Variants in SMOC2 observed in about 807,000 individuals in gnomAD.
SMOC2 encodes SPARC related modular calcium binding 2, also known as SPARC-related modular calcium-binding protein 2.
A neutral mutation model predicts 61.4 loss-of-function variants in SMOC2; 39 were observed. The observed-to-expected ratio is 0.64, with a 90% CI of 0.49 to 0.83. The LOEUF is 0.83. Ranked by LOEUF, SMOC2 falls within the 40% of genes least tolerant of loss-of-function variation. The pLI is 0.00. For missense variants in SMOC2, 556 were observed against 592.9 expected (o/e 0.94, Z 0.65); for synonymous variants, 247 against 239.9 (o/e 1.03, Z -0.27).
At chr6:168,642,679 G>C (rs1339620159) in intron 9 of SMOC2, among the ~76,000 whole-genome samples, 3 of 152,184 alleles carry the variant, frequency 2.0e-5, no homozygotes, top group African/African-American at 7.2e-5. Context: ...GCGCTGACCA[G>C]GTCTCAGTTT....
intron 11 of SMOC2, among the ~76,000 whole-genome samples, chr6:168,661,132 TA>T (rs1787498342): frequency 6.6e-6 from 1 of 151,864 alleles, no homozygotes; most frequent in African/African-American, 2.4e-5. Flanking sequence ...TTTTTTGACT[TA>T]AAAAAATTCA....
chr6:168,535,500 A>T lies in SMOC2; in HGVS notation c.463+7773A>T, dbSNP rs900527521. ...CCATTGAATCAGGGTCTCAAATCAGAAATCAGTAAATTCAGAACATTCCTT... is the reference window on the plus strand; with the variant it reads ...CCATTGAATCAGGGTCTCAAATCAGTAATCAGTAAATTCAGAACATTCCTT... On this transcript the variant is annotated intron_variant, in intron 4 of 12. Coordinates refer to ENST00000356284, the MANE Select transcript of SMOC2 (RefSeq NM_001166412.2). This position sits in a 1 kb window ranked among gnomAD's most constrained non-coding sequence, Gnocchi z 4.6. Among the ~76,000 whole-genome samples the T allele has an allele frequency of 4.6e-5, 7 of 152,190 alleles. No individual in the cohort carries two copies. Among genetic ancestry groups the T allele is most frequent in the Non-Finnish European group, 7.3e-5 (5 of 68,040 alleles).
In SMOC2 at chr6:168,564,506, G is replaced by A. The variant is rs377052160; in HGVS notation, c.637+15303G>A. 2.6e-5 allele frequency among the ~76,000 whole-genome samples: 4 copies of A among 152,108 alleles called. No homozygotes were observed. The South Asian group carries it at 8.3e-4, about 32-fold the overall frequency. Reference sequence around the variant, plus strand: ...TGTATTTTCAGAGGTAAACATTCTAGCTAAGCTAGAAAGCCTGAAAGGAAG... The same window carrying A: ...TGTATTTTCAGAGGTAAACATTCTAACTAAGCTAGAAAGCCTGAAAGGAAG... On this transcript the variant is annotated intron_variant, in intron 7 of 12. Transcript: ENST00000356284.
chr6:168,573,881 T>A (rs1784732095), intron 7 of SMOC2, among the ~76,000 whole-genome samples: 1 of 152,194 alleles, frequency 6.6e-6, no homozygotes. Context: ...AGATCTTATC[T>A]CCAGTGACTG....
intron 1 of SMOC2, among the ~76,000 whole-genome samples, chr6:168,478,731 A>G (rs1465289807): frequency 6.6e-6 from 1 of 152,322 alleles, no homozygotes; most frequent in South Asian, 2.1e-4. Flanking sequence ...GGAGTCAGGA[A>G]CATTGAATGA....
At chr6:168,664,203 C>T (rs1487312131) in intron 12 of SMOC2, 92 bp downstream of exon 12, 5 of 992,964 alleles carry the variant, frequency 5.0e-6, no homozygotes, top group Non-Finnish European at 7.7e-6. Flanking sequence ...ATGGCCAGTA[C>T]CTTCCAAGAA....
At chr6:168,648,282 G>A (rs1787097260) in intron 9 of SMOC2, among the ~76,000 whole-genome samples, 1 of 152,250 alleles carries the variant, frequency 6.6e-6, no homozygotes, top group Non-Finnish European at 1.5e-5. Context: ...AGGTGCCCGA[G>A]GTCCTGTGGG....
chr6:168,503,947 G>A (rs545680852), intron 1 of SMOC2, among the ~76,000 whole-genome samples: 7 of 152,260 alleles, frequency 4.6e-5, no homozygotes, highest in African/African-American at 1.7e-4. Context: ...GGAGGGAGGA[G>A]CCCAGCACCT....
At chr6:168,478,512 T>G (rs539744869) in intron 1 of SMOC2, among the ~76,000 whole-genome samples, 1 of 152,200 alleles carries the variant, frequency 6.6e-6, no homozygotes, top group East Asian at 1.9e-4. Context: ...CAAAATAAGA[T>G]GAACTGCCTG....
chr6:168,467,136 AACAC>A (rs10536582), intron 1 of SMOC2, among the ~76,000 whole-genome samples: 15,406 of 133,214 alleles, frequency 0.12, 1,157 homozygotes, highest in Admixed American at 0.25. Flanking sequence ...AGTGCTCTCA[AACAC>A]ACACACACAC....
chr6:168,646,204 C>T (rs968432561), intron 9 of SMOC2, among the ~76,000 whole-genome samples: 2 of 152,192 alleles, frequency 1.3e-5, no homozygotes, highest in African/African-American at 4.8e-5. Context: ...AAATCTCTGG[C>T]CCCCGTCCGT....
At chr6:168,466,810 C>T (rs989016608) in intron 1 of SMOC2, among the ~76,000 whole-genome samples, 4 of 152,198 alleles carry the variant, frequency 2.6e-5, no homozygotes, top group African/African-American at 7.2e-5. Context: ...TCATCCTGGA[C>T]GCTTGGTTTC....
chr6:168,606,614 A>G (rs1785700186), intron 8 of SMOC2, among the ~76,000 whole-genome samples: 1 of 152,234 alleles, frequency 6.6e-6, no homozygotes, highest in Non-Finnish European at 1.5e-5. Context: ...AATGAAAAAA[A>G]TAGAACCTAA....
chr6:168,519,056 CATAT>C (rs1562567078), intron 2 of SMOC2, among the ~76,000 whole-genome samples: 16 of 137,794 alleles, frequency 1.2e-4, no homozygotes, highest in Non-Finnish European at 2.3e-4. Context: ...TGTGAGCATG[CATAT>C]GTGTGTGAGT....
chr6:168,478,891 A>T (rs551710083), intron 1 of SMOC2, among the ~76,000 whole-genome samples: 4 of 151,586 alleles, frequency 2.6e-5, no homozygotes, highest in African/African-American at 9.7e-5. Context: ...ATGTTGAATG[A>T]TTCATGGTAT....
At chr6:168,525,879 T>G (rs1783441631) in intron 2 of SMOC2, among the ~76,000 whole-genome samples, 2 of 152,010 alleles carry the variant, frequency 1.3e-5, no homozygotes, top group Non-Finnish European at 2.9e-5. Context: ...TCACTTCCCT[T>G]TGGTCTGTTT....
chr6:168,466,463 G>A (rs780219360), intron 1 of SMOC2, among the ~76,000 whole-genome samples: 1 of 152,220 alleles, frequency 6.6e-6, no homozygotes, highest in Non-Finnish European at 1.5e-5. Flanking sequence ...CTGTGGGTTG[G>A]TGGTGGGGGA....
chr6:168,622,251 C>T (rs1040952624), intron 9 of SMOC2, among the ~76,000 whole-genome samples: 7 of 152,142 alleles, frequency 4.6e-5, no homozygotes, highest in African/African-American at 1.7e-4. Context: ...CAGGTGTGAG[C>T]CACTGCGGCC....
At chr6:168,457,880 C>T (rs567650684) in intron 1 of SMOC2, among the ~76,000 whole-genome samples, 13 of 152,136 alleles carry the variant, frequency 8.5e-5, no homozygotes, top group East Asian at 7.8e-4. Context: ...TGGTATTTCA[C>T]GGTCATTTCA....
Sources: allele counts gnomAD v4.1 joint callset (sites outside exome capture counted in the v4.1 genomes callset), GRCh38; gene constraint gnomAD v4.1.1; non-coding constraint Gnocchi (gnomAD v3.1); transcripts MANE v1.5; gene names NCBI Gene and HGNC (gene_info 2026-07-23, HGNC 2026-07-21).